Variants in MYH11 observed in about 807,000 individuals in gnomAD.
MYH11 encodes the protein myosin heavy chain 11, also known as myosin-11.
Under a neutral mutation model 246.6 loss-of-function variants are expected in MYH11, and 80 were observed. The observed-to-expected ratio is 0.32, with a 90% CI of 0.27 to 0.39. The LOEUF is 0.39. MYH11 is among the 10% of genes least tolerant of loss of function. MYH11 has a pLI of 1.00. For missense variants in MYH11, 2,158 were observed against 2,546.8 expected, an observed-to-expected ratio of 0.85 and a Z score of 3.29; for synonymous variants, 1,071 against 1,015.5, an observed-to-expected ratio of 1.05 and a Z score of -1.04.
In MYH11 at chr16:15,707,929, G is replaced by A. The variant is rs540795832; in HGVS notation, c.5787-3806C>T. 2.2e-3 allele frequency among the ~76,000 whole-genome samples: 315 copies of A among 143,488 alleles called. 3 individuals are homozygous for A. Among genetic ancestry groups the A allele is most frequent in the African/African-American group, 7.7e-3 (296 of 38,626 alleles). The allele number at this position is 143,488 out of a possible 152,430, so 94.1% of individuals were successfully genotyped here. A position where few individuals can be genotyped will look rare whatever the true frequency, so the allele number is the denominator to read the frequency against. On this transcript the variant is annotated intron_variant, in intron 40 of 40. Transcript: ENST00000300036. ...AAAGGTTGCGGTGAGCCAAGATTGC[G>A]CCATTGCACTCCAGAGCGAGACTCC...
chr16:15,786,431 G>A, intron 5 of MYH11, 199 bp downstream of exon 5: 2 of 768,246 alleles, frequency 2.6e-6, no homozygotes, highest in East Asian at 4.9e-5. Flanking sequence ...CTGGAGGGAT[G>A]CTTCTAGCTG....
intron 40 of MYH11, among the ~76,000 whole-genome samples, chr16:15,711,932 A>G (rs1019260811): frequency 6.6e-6 from 1 of 152,174 alleles, no homozygotes; most frequent in African/African-American, 2.4e-5. Flanking sequence ...ACCTCAGGTG[A>G]TCAGCCTGCG....
At chr16:15,836,324 C>T (rs888997629) in intron 2 of MYH11, among the ~76,000 whole-genome samples, 4 of 152,120 alleles carry the variant, frequency 2.6e-5, no homozygotes, top group African/African-American at 9.7e-5. Context: ...AGCCACTAGC[C>T]ACAGGTGGCT....
At chr16:15,767,539 C>G (rs1019345371) in intron 9 of MYH11, among the ~76,000 whole-genome samples, 1 of 152,062 alleles carries the variant, frequency 6.6e-6, no homozygotes, top group Non-Finnish European at 1.5e-5. Context: ...CCAGGCAGGT[C>G]TCGAACTCCT....
In MYH11 at chr16:15,750,403, A is replaced by G; in HGVS notation, c.1865-72T>C. 6.9e-7 allele frequency: 1 copy of G among 1,443,174 alleles called. No individual in the cohort carries two copies. The highest frequency in any genetic ancestry group is 9.4e-7 in the Non-Finnish European group (1 of 1,064,356). The allele number at this position is 1,443,174 out of a possible 1,614,324, so 89.4% of individuals were successfully genotyped here. On this transcript the variant is annotated intron_variant, in intron 15 of 40. Transcript: ENST00000300036. This position sits in a 1 kb window ranked among gnomAD's most constrained non-coding sequence, Gnocchi z 4.3. The stretch of plus-strand genomic sequence containing the variant: ...CTAAATAGGCCAGAGGCTCAGCCCC[A>G]GCCCCACCCACCAACCTGCCCACTC...
intron 1 of MYH11, among the ~76,000 whole-genome samples, chr16:15,846,280 G>A (rs993585978): frequency 2.6e-5 from 4 of 152,106 alleles, no homozygotes; most frequent in Admixed American, 2.6e-4. Context: ...CGAATCAGGT[G>A]AAGTAAACTA....
chr16:15,801,597 G>T (rs997873563), intron 3 of MYH11, among the ~76,000 whole-genome samples: 1 of 152,120 alleles, frequency 6.6e-6, no homozygotes, highest in African/African-American at 2.4e-5. Context: ...GGAGTTCAAG[G>T]TTGCAGTGAG....
intron 1 of MYH11, among the ~76,000 whole-genome samples, chr16:15,841,772 T>C (rs1237743013): frequency 2.0e-5 from 3 of 152,250 alleles, no homozygotes; most frequent in Non-Finnish European, 2.9e-5. Context: ...TACCTCTTGC[T>C]GCTGGGCTCC....
intron 26 of MYH11, among the ~76,000 whole-genome samples, chr16:15,735,096 T>G (rs370804617): frequency 6.6e-6 from 1 of 150,786 alleles, no homozygotes; most frequent in African/African-American, 2.4e-5. Context: ...TGAGAATCGC[T>G]TAAATCTCAG....
At chr16:15,805,907 C>A (rs1018364034) in intron 3 of MYH11, among the ~76,000 whole-genome samples, 3 of 151,968 alleles carry the variant, frequency 2.0e-5, no homozygotes, top group Non-Finnish European at 2.9e-5. Flanking sequence ...CAGAGACAGA[C>A]CCTGTCTTAA....
chr16:15,719,549 C>T (rs376093154), intron 35 of MYH11, 36 bp downstream of exon 35: 101 of 1,612,946 alleles, frequency 6.3e-5, no homozygotes, highest in Middle Eastern at 1.8e-4. Flanking sequence ...CCGTGACACC[C>T]GCATCTGAGG....
intron 22 of MYH11, chr16:15,741,005 A>C: frequency 3.3e-6 from 1 of 301,728 alleles, no homozygotes; most frequent in Non-Finnish European, 6.4e-6. Context: ...TGAATAAGCC[A>C]AGTAGAAGTG....
intron 4 of MYH11, among the ~76,000 whole-genome samples, chr16:15,793,555 G>C (rs937935674): frequency 6.8e-6 from 1 of 147,156 alleles, no homozygotes; most frequent in African/African-American, 2.5e-5. Flanking sequence ...GGCCTCTCAA[G>C]GCCCTGAGTT....
At position 15,704,483 on chromosome 16, in the gene MYH11, A is replaced by G. The variant is rs1243803639; in HGVS notation, c.5787-360T>C. 4.6e-5 allele frequency among the ~76,000 whole-genome samples: 7 copies of G among 152,208 alleles called. No individual in the cohort carries two copies. In the East Asian group the frequency reaches 1.2e-3, roughly 25 times the overall value. On this transcript the variant is annotated intron_variant, in intron 40 of 40. Transcript: ENST00000300036. ...GATTTAGAATAGGAAAAAAACGCCA[A>G]AAACCAAGCAGGGGATTTTGTCTTC... is the stretch of plus-strand genomic sequence containing the variant.
intron 2 of MYH11, among the ~76,000 whole-genome samples, chr16:15,837,068 C>T (rs1198515132): frequency 1.3e-5 from 2 of 152,268 alleles, no homozygotes; most frequent in African/African-American, 2.4e-5. Flanking sequence ...TAGTTAGCCA[C>T]GAGTGGCCAG....
chr16:15,835,744 CTA>C (rs1438045700), intron 2 of MYH11, among the ~76,000 whole-genome samples: 1 of 130,904 alleles, frequency 7.6e-6, no homozygotes, highest in East Asian at 2.4e-4. Context: ...GAAGCTGGTA[CTA>C]TTTTTTTTTT....
intron 28 of MYH11, chr16:15,726,493 C>T (rs1229062687): frequency 5.4e-6 from 2 of 372,914 alleles, no homozygotes; most frequent in Non-Finnish European, 1.0e-5. Flanking sequence ...GCCTCAGCCT[C>T]CCGAGTAGAT....
intron 1 of MYH11, among the ~76,000 whole-genome samples, chr16:15,853,673 G>A (rs775062038): frequency 6.6e-6 from 1 of 152,120 alleles, no homozygotes; most frequent in Non-Finnish European, 1.5e-5. Context: ...GAAAGGTCAG[G>A]AGTGGAAGGA....
intron 31 of MYH11, 26 bp from the exon 32 acceptor site, chr16:15,721,660 T>C (rs2040491962): frequency 6.2e-7 from 1 of 1,612,606 alleles, no homozygotes. Flanking sequence ...CAGAGGTGAC[T>C]TCTAGGCATA....
Sources: gnomAD v4.1 joint callset for allele counts (sites outside exome capture counted in the v4.1 genomes callset) on GRCh38, gnomAD v4.1.1 for gene constraint, Gnocchi (gnomAD v3.1) non-coding constraint, MANE v1.5 for transcripts, NCBI Gene and HGNC (gene_info 2026-07-23, HGNC 2026-07-21) for gene names.